The following CCT5 variants were observed in gnomAD, a reference collection of about 807,000 sequenced individuals.
CCT5 encodes the protein chaperonin containing TCP1 subunit 5.
CCT5 carries 6 observed loss-of-function variants against 55.0 expected under a neutral mutation model. The ratio of observed to expected loss-of-function variants is 0.11; its 90% CI spans 0.06 to 0.22. The LOEUF (loss-of-function observed/expected upper bound fraction) is 0.22, where lower values mean the gene tolerates loss of function less well. CCT5 is among the 10% of genes least tolerant of loss of function. The pLI, the probability that CCT5 is intolerant of heterozygous loss-of-function variation, is 1.00. For synonymous variants in CCT5, 231 were observed against 243.7 expected (o/e 0.95, Z 0.49); for missense variants, 560 against 694.6 (o/e 0.81, Z 2.18).
At chr5:10,257,238 C>G (rs1238217214) in intron 4 of CCT5, among the ~76,000 whole-genome samples, 1 of 152,224 alleles carries the variant, frequency 6.6e-6, no homozygotes, top group Admixed American at 6.5e-5. Flanking sequence ...TCAGCAATGC[C>G]TGCTGTCCTC....
At chr5:10,264,399 C>T (rs573292987) in intron 10 of CCT5, among the ~76,000 whole-genome samples, 2 of 152,298 alleles carry the variant, frequency 1.3e-5, no homozygotes, top group South Asian at 4.1e-4. Context: ...TGAAAAATGT[C>T]ACCCTGTAGC....
chr5:10,256,236 C>T, intron 4 of CCT5, 83 bp downstream of exon 4: 1 of 1,161,762 alleles, frequency 8.6e-7, no homozygotes, highest in South Asian at 1.3e-5. Flanking sequence ...ACAAAATGAC[C>T]ACTGGTGGAT....
chr5:10,256,021 T>C lies in CCT5; in HGVS notation c.398T>C (p.Ile133Thr). The change falls in exon 4 of 11, where the codon ATA becomes ACA. Residue 133 changes from isoleucine (I) to threonine (T), a missense_variant. Ile to Thr is a moderately conservative substitution (Grantham distance 89). This residue lies in a region of CCT5 where 137 missense variants were observed against 181.9 expected (regional missense o/e 0.75). Transcript: ENST00000280326. ...GACCGAGGCATTCACCCAATCAGAA[T>C]AGCCGATGGCTATGAGCAGGCTGCT... is the stretch of plus-strand genomic sequence containing the variant. Reference protein sequence around the residue: ...LLDRGIHPIRIADGYEQAARV... With the variant: ...LLDRGIHPIRTADGYEQAARV... The C allele has an allele frequency of 3.7e-6, 6 of 1,614,216 alleles. No homozygotes were observed. The highest frequency in any genetic ancestry group is 1.1e-5 in the South Asian group (1 of 91,086).
In CCT5 at chr5:10,265,148, C is replaced by G. The variant is rs1428424091; in HGVS notation, c.*365C>G. 4.1e-6 allele frequency: 1 copy of G among 241,722 alleles called. No homozygotes were observed. The highest frequency in any genetic ancestry group is 1.1e-4 in the East Asian group (1 of 8,782). The allele number at this position is 241,722 out of a possible 1,614,324, so 15.0% of individuals were successfully genotyped here. A position where few individuals can be genotyped will look rare whatever the true frequency, so the allele number is the denominator to read the frequency against. Reference sequence around the variant, plus strand: ...ACTATTTTAACAGCTTAAACAGGAGCTCTCAAGATGCACTTTCATATTGAG... The same window carrying G: ...ACTATTTTAACAGCTTAAACAGGAGGTCTCAAGATGCACTTTCATATTGAG... On this transcript the variant is annotated 3_prime_UTR_variant, in exon 11 of 11. Transcript: ENST00000280326.
chr5:10,257,767 A>G (rs1344582488), intron 4 of CCT5: 1 of 359,082 alleles, frequency 2.8e-6, no homozygotes, highest in Non-Finnish European at 5.4e-6. Flanking sequence ...AAATAGTAAC[A>G]GTATTCTGTA....
chr5:10,250,717 G>A, intron 1 of CCT5: 1 of 1,294,654 alleles, frequency 7.7e-7, no homozygotes, highest in Non-Finnish European at 9.8e-7. Context: ...TCGCCCGCGG[G>A]AGCAAAGCGG....
intron 5 of CCT5, 31 bp downstream of exon 5, chr5:10,258,334 G>A (rs1368808122): frequency 6.2e-7 from 1 of 1,613,894 alleles, no homozygotes; most frequent in Non-Finnish European, 8.5e-7. Context: ...GCTTCGCACT[G>A]TTGGTTAACT....
In CCT5 at chr5:10,256,633, G is replaced by A. The variant is rs1745695093; in HGVS notation, c.530+480G>A. 4.0e-5 allele frequency among the ~76,000 whole-genome samples: 6 copies of A among 150,062 alleles called. No homozygotes were observed. In the South Asian group the frequency reaches 1.3e-3, roughly 31 times the overall value. Reference sequence around the variant, plus strand: ...AGGTGAGAGGTCGAGGCTGCAGCAAGCCATGATCATGCCACTGCACTCCAG... The same window carrying A: ...AGGTGAGAGGTCGAGGCTGCAGCAAACCATGATCATGCCACTGCACTCCAG... On this transcript the variant is annotated intron_variant, in intron 4 of 10. Transcript: ENST00000280326.
At chr5:10,254,932 A>G (rs1376379412) in intron 3 of CCT5, 94 bp downstream of exon 3, 25 of 1,042,124 alleles carry the variant, frequency 2.4e-5, no homozygotes, top group Non-Finnish European at 3.7e-5. Flanking sequence ...TCTGAATCAG[A>G]GCATGAGGAG....
intron 10 of CCT5, 156 bp from the exon 11 acceptor site, chr5:10,264,500 G>A: frequency 3.0e-6 from 2 of 656,676 alleles, no homozygotes; most frequent in Non-Finnish European, 2.8e-6. Context: ...ACATTCATCT[G>A]AAAATGAAAT....
rs543141442 is a variant in CCT5, at chr5:10,265,699, T to C, written c.*916T>C. On this transcript the variant is annotated 3_prime_UTR_variant, in exon 11 of 11. Coordinates refer to ENST00000280326, the MANE Select transcript of CCT5 (RefSeq NM_012073.5). ...GGTGAGTACTCATAATTGGCCAGCA[T>C]CTCACCACCAGCAAGTAGTAGGGCC... The C allele has an allele frequency of 4.1e-4, 62 of 152,176 alleles. No homozygotes were observed. The highest frequency in any genetic ancestry group is 1.3e-3 in the African/African-American group (55 of 41,528). The allele number at this position is 152,176 out of a possible 1,614,324, so 9.4% of individuals were successfully genotyped here.
At chr5:10,262,673 CTG>C (rs1306300125) in intron 9 of CCT5, 55 bp downstream of exon 9, 70 of 1,592,322 alleles carry the variant, frequency 4.4e-5, no homozygotes, top group African/African-American at 2.1e-4. Context: ...ATGGTGGAGA[CTG>C]TGAAGCTGCG....
intron 1 of CCT5, 185 bp downstream of exon 1, chr5:10,250,630 C>G: frequency 2.1e-6 from 3 of 1,430,654 alleles, no homozygotes; most frequent in Non-Finnish European, 2.7e-6. Context: ...GGCGCCTAAT[C>G]CTGGGCTCGG....
At chr5:10,257,236 G>A (rs1293208873) in intron 4 of CCT5, among the ~76,000 whole-genome samples, 1 of 152,182 alleles carries the variant, frequency 6.6e-6, no homozygotes, top group Admixed American at 6.5e-5. Context: ...CTTCAGCAAT[G>A]CCTGCTGTCC....
chr5:10,252,669 C>G (rs1419219114), intron 1 of CCT5, among the ~76,000 whole-genome samples: 10 of 148,948 alleles, frequency 6.7e-5, no homozygotes, highest in African/African-American at 1.5e-4. Flanking sequence ...GAATCATATT[C>G]TAAAATCCTG....
rs770615968 is a variant in CCT5, at chr5:10,255,959, G to A, written c.336G>A (p.Leu112=). ...TGTCTGCTGGCTTATTTGCAGTCCT[G>A]GCTGGTGCCTTGTTAGAAGAAGCGG... ...IGDGTTGVVV[L]AGALLEEAEQ... The change falls in exon 4 of 11, where the codon CTG becomes CTA. Residue 112 remains leucine (L), a synonymous_variant. Coordinates refer to ENST00000280326, the MANE Select transcript of CCT5 (RefSeq NM_012073.5). 16 of 1,614,126 alleles carry A rather than the reference G, an allele frequency of 9.9e-6. No homozygotes were observed. In the South Asian group the frequency reaches 1.8e-4, roughly 18 times the overall value.
At chr5:10,262,272 T>C in intron 8 of CCT5, 1 of 597,702 alleles carries the variant, frequency 1.7e-6, no homozygotes, top group South Asian at 1.8e-5. Flanking sequence ...TGACCGTGTA[T>C]CCTAGAATGA....
At chr5:10,254,868 T>A (rs761240435) in intron 3 of CCT5, 30 bp downstream of exon 3, 3 of 1,590,986 alleles carry the variant, frequency 1.9e-6, no homozygotes, top group Non-Finnish European at 2.6e-6. Context: ...CCTTTCTCAT[T>A]TAAGAGACGT....
chr5:10,250,167 G>C (rs1298035671), upstream of CCT5: 1 of 1,538,162 alleles, frequency 6.5e-7, no homozygotes, highest in Non-Finnish European at 8.7e-7. Flanking sequence ...CCCGAAGGCC[G>C]CCGATTCCAG....
Sources: gnomAD v4.1 joint callset for allele counts (sites outside exome capture counted in the v4.1 genomes callset) on GRCh38, gnomAD v4.1.1 for gene constraint, gnomAD v4.1.1 regional missense constraint, MANE v1.5 for transcripts, NCBI Gene and HGNC (gene_info 2026-07-23, HGNC 2026-07-21) for gene names.